DPP6: variants seen among roughly 807,000 people sequenced by gnomAD.
DPP6 encodes A-type potassium channel modulatory protein DPP6.
Under a neutral mutation model 122.6 loss-of-function variants are expected in DPP6, and 69 were observed. The ratio of observed to expected loss-of-function variants is 0.56; its 90% CI spans 0.46 to 0.69. The LOEUF (loss-of-function observed/expected upper bound fraction) is 0.69. DPP6 is among the 30% of genes least tolerant of loss of function. The pLI, the probability that DPP6 is intolerant of heterozygous loss-of-function variation, is 0.00. For synonymous variants in DPP6, 418 were observed against 433.1 expected (o/e 0.97, Z 0.43); for missense variants, 928 against 1,116.9 (o/e 0.83, Z 2.41).
At position 153,927,319 on chromosome 7, in the gene DPP6, C is replaced by A. The variant is rs185648989; in HGVS notation, c.51+39585C>A. On this transcript the variant is annotated intron_variant, in intron 1 of 25. Coordinates refer to the DPP6 transcript ENST00000404039. ...CAGAGCAAGACCCATTCTCTAAAAT[C>A]AATGAGTAAATAAATCATAAAAATA... Among the ~76,000 whole-genome samples the A allele has an allele frequency of 3.3e-3, 498 of 152,226 alleles. 3 individuals are homozygous for A. Among genetic ancestry groups the A allele is most frequent in the African/African-American group, 0.012 (485 of 41,536 alleles).
chr7:154,277,467 T>A (rs77939506), intron 1 of DPP6, among the ~76,000 whole-genome samples: 20,265 of 152,226 alleles, frequency 0.13, 1,612 homozygotes, highest in East Asian at 0.32. Context: ...TAAAAATAAA[T>A]TTTAAAAGAT....
rs570130180 is a variant in DPP6, at chr7:154,493,424, A to G, written c.457+18387A>G. On this transcript the variant is annotated intron_variant, in intron 3 of 25. Transcript: ENST00000377770. The stretch of plus-strand genomic sequence containing the variant: ...GGTAGGTGCACTCATCACAGGCCTC[A>G]CAGGGAGATTTTATTTAAATTGACA... Among the ~76,000 whole-genome samples the G allele has an allele frequency of 5.6e-4, 85 of 152,344 alleles. 1 individual carries two copies. Among genetic ancestry groups the G allele is most frequent in the African/African-American group, 2.0e-3 (85 of 41,576 alleles).
intron 6 of DPP6, among the ~76,000 whole-genome samples, chr7:154,668,714 C>CT (rs953174427): frequency 3.3e-5 from 5 of 152,114 alleles, no homozygotes; most frequent in African/African-American, 1.2e-4. Flanking sequence ...AATGTTAGCA[C>CT]TTTTCATTTT....
chr7:154,879,141 C>T (rs576408585), intron 20 of DPP6, among the ~76,000 whole-genome samples: 1 of 152,284 alleles, frequency 6.6e-6, no homozygotes, highest in East Asian at 1.9e-4. Flanking sequence ...TCACAGGTTC[C>T]CTCCTTTTAA....
At chr7:153,842,237 C>T in the DPP6 span, among the ~76,000 whole-genome samples, 1 of 152,148 alleles carries the variant, frequency 6.6e-6, no homozygotes, top group African/African-American at 2.4e-5. Flanking sequence ...GTTGGCATTG[C>T]TTTGAGAAAT....
At chr7:154,814,351 C>T (rs887651344) in intron 16 of DPP6, among the ~76,000 whole-genome samples, 1 of 152,128 alleles carries the variant, frequency 6.6e-6, no homozygotes, top group Non-Finnish European at 1.5e-5. Flanking sequence ...AACCCCTATA[C>T]ATTCTCCAAG....
At chr7:153,971,116 CTTTA>C (rs965674774) in intron 1 of DPP6, among the ~76,000 whole-genome samples, 35 of 146,602 alleles carry the variant, frequency 2.4e-4, no homozygotes, top group Admixed American at 7.6e-4. Flanking sequence ...GTGTAGATCT[CTTTA>C]TTTAGGTATT....
chr7:154,242,890 G>C (rs1400657517), intron 1 of DPP6, among the ~76,000 whole-genome samples: 1 of 152,208 alleles, frequency 6.6e-6, no homozygotes, highest in African/African-American at 2.4e-5. Flanking sequence ...AATGAATGAA[G>C]GCATTATTGC....
intron 2 of DPP6, among the ~76,000 whole-genome samples, chr7:154,460,228 C>T (rs755565882): frequency 1.3e-5 from 2 of 152,048 alleles, no homozygotes; most frequent in African/African-American, 4.8e-5. Context: ...GTGATCCACC[C>T]GCCTTGGCCT....
chr7:154,356,134 T>G (rs1269440793), intron 1 of DPP6, among the ~76,000 whole-genome samples: 1 of 152,232 alleles, frequency 6.6e-6, no homozygotes, highest in Non-Finnish European at 1.5e-5. Context: ...TTCTGTTTTT[T>G]CTATTTAATT....
At chr7:154,630,355 C>T (rs764956202) in intron 5 of DPP6, among the ~76,000 whole-genome samples, 25 of 152,148 alleles carry the variant, frequency 1.6e-4, no homozygotes, top group Non-Finnish European at 2.6e-4. Flanking sequence ...GGGTAGAAAA[C>T]GTGGTGTAAA....
At chr7:154,869,065 A>G (rs530365189) in intron 18 of DPP6, among the ~76,000 whole-genome samples, 1 of 152,334 alleles carries the variant, frequency 6.6e-6, no homozygotes, top group East Asian at 1.9e-4. Flanking sequence ...CTTTGTTGAA[A>G]GGGAAGGTTT....
intron 1 of DPP6, among the ~76,000 whole-genome samples, chr7:154,420,246 G>A (rs1478010530): frequency 6.6e-6 from 1 of 152,158 alleles, no homozygotes; most frequent in Non-Finnish European, 1.5e-5. Context: ...CTGAGGCAGA[G>A]AATTGCTTGA....
rs1554421912 is a variant in DPP6 at position 154,646,045 on chromosome 7, A to AAAAAAAAAC, written c.680+8172_680+8173insAAAAAAAAC. Among the ~76,000 whole-genome samples the AAAAAAAAAC allele has an allele frequency of 3.1e-3, 460 of 147,632 alleles. 27 individuals are homozygous for AAAAAAAAAC. The highest frequency in any genetic ancestry group is 0.012 in the African/African-American group (447 of 38,380). ...TCCGTCTCAAAAAAAAAAAAAAAAA[A>AAAAAAAAAC]GAAAATACTGAGGGCTCTATTCATG... is the stretch of plus-strand genomic sequence containing the variant. On this transcript the variant is annotated intron_variant, in intron 6 of 25. Coordinates refer to ENST00000377770, the MANE Select transcript of DPP6 (RefSeq NM_130797.4).
At chr7:154,889,646 G>C (rs559659472) in intron 25 of DPP6, 116 bp downstream of exon 25, 3 of 1,490,858 alleles carry the variant, frequency 2.0e-6, no homozygotes, top group Non-Finnish European at 2.7e-6. Flanking sequence ...TGCTGTGGTG[G>C]TCGGTGATGA....
chr7:154,556,421 C>G (rs1381574193), intron 4 of DPP6, among the ~76,000 whole-genome samples: 1 of 152,130 alleles, frequency 6.6e-6, no homozygotes, highest in Non-Finnish European at 1.5e-5. Context: ...CCAATATAAA[C>G]AAGTATTTGA....
rs1817571591 is a variant in DPP6 at position 154,422,696 on chromosome 7, AG to A, written c.244-23517del. On this transcript the variant is annotated intron_variant, in intron 1 of 25. Coordinates refer to ENST00000377770, the MANE Select transcript of DPP6 (RefSeq NM_130797.4). Reference sequence around the variant, plus strand: ...TGGATGGGTGGATGGATGGATGGTGAGTGGGTGGGTAGATGGATGGGTGAGT... The same window carrying A: ...TGGATGGGTGGATGGATGGATGGTGATGGGTGGGTAGATGGATGGGTGAGT... 1.7e-4 allele frequency among the ~76,000 whole-genome samples: 4 copies of A among 23,784 alleles called. No individual in the cohort carries two copies. The South Asian group carries it at 4.7e-3, about 28-fold the overall frequency. The allele number at this position is 23,784 out of a possible 152,430, so 15.6% of individuals were successfully genotyped here.
the DPP6 span, among the ~76,000 whole-genome samples, chr7:153,752,921 T>C: frequency 6.6e-6 from 1 of 151,842 alleles, no homozygotes; most frequent in African/African-American, 2.4e-5. Flanking sequence ...AATGTATGCA[T>C]TATCTCATAT....
chr7:154,278,414 C>T (rs1307240492), intron 1 of DPP6, among the ~76,000 whole-genome samples: 5 of 152,222 alleles, frequency 3.3e-5, no homozygotes, highest in Non-Finnish European at 5.9e-5. Flanking sequence ...GAAGGAAACT[C>T]AGGCAGGAAC....
Sources: allele counts gnomAD v4.1 joint callset (sites outside exome capture counted in the v4.1 genomes callset), GRCh38; gene constraint gnomAD v4.1.1; transcripts MANE v1.5; gene names NCBI Gene and HGNC (gene_info 2026-07-23, HGNC 2026-07-21).